FN3KRP: variants seen among roughly 807,000 people sequenced by gnomAD.
FN3KRP encodes fructosamine 3 kinase related protein, also known as ketosamine-3-kinase.
FN3KRP carries 33 observed loss-of-function variants against 29.8 expected under a neutral mutation model. The ratio of observed to expected loss-of-function variants is 1.11; its 90% CI spans 0.84 to 1.48. FN3KRP has a LOEUF of 1.48. Ranked by LOEUF, FN3KRP falls within the 40% of genes most tolerant of loss-of-function variation. FN3KRP has a pLI of 0.00. For synonymous variants in FN3KRP, 157 were observed against 155.2 expected (o/e 1.01, Z -0.09); for missense variants, 430 against 402.6 (o/e 1.07, Z -0.58).
chr17:82,721,912 G>A (rs1444886297), intron 3 of FN3KRP, among the ~76,000 whole-genome samples: 1 of 152,022 alleles, frequency 6.6e-6, no homozygotes, highest in Non-Finnish European at 1.5e-5. Context: ...TCAGCTCACC[G>A]CAACCTCCGC....
chr17:82,723,984 C>CA (rs35203608), intron 4 of FN3KRP, among the ~76,000 whole-genome samples: 73,171 of 149,492 alleles, frequency 0.49, 18,028 homozygotes, highest in South Asian at 0.54. Context: ...GCTTTAGCAG[C>CA]AAAAAAAAAA....
At position 82,726,525 on chromosome 17, in the gene FN3KRP, C is replaced by T. The variant is rs182510567; in HGVS notation, c.514C>T (p.Arg172Cys). ...CTGGGTCGTGTTCTATGCCCGGCAG[C>T]GCATTCAGCCCCAGATGGACATGGT... is the stretch of plus-strand genomic sequence containing the variant. ...EDWVVFYARQ[R>C]IQPQMDMVEK... Residue 172 changes from arginine (R) to cysteine (C), a missense_variant, in exon 5 of 6, where the codon CGC becomes TGC. Coordinates refer to ENST00000269373, the MANE Select transcript of FN3KRP (RefSeq NM_024619.4). 1.3e-5 allele frequency: 21 copies of T among 1,614,108 alleles called. No individual in the cohort carries two copies. In the East Asian group the frequency reaches 1.8e-4, roughly 14 times the overall value.
At position 82,726,954 on chromosome 17, in the gene FN3KRP, T is replaced by C. The variant is rs2046842581; in HGVS notation, c.713T>C (p.Phe238Ser). 1.2e-6 allele frequency: 2 copies of C among 1,613,928 alleles called. No homozygotes were observed. Among genetic ancestry groups the C allele is most frequent in the South Asian group, 1.1e-5 (1 of 91,072 alleles). The change falls in exon 6 of 6, where the codon TTC becomes TCC. Residue 238 changes from phenylalanine to serine, a missense_variant. Coordinates refer to ENST00000269373, the MANE Select transcript of FN3KRP (RefSeq NM_024619.4). ...SGPVIFDPASFYGHSEYELAI... is the reference protein window; with the variant it reads ...SGPVIFDPASSYGHSEYELAI... Reference sequence around the variant, plus strand: ...CCGGTGATTTTTGACCCAGCTTCTTTCTACGGCCACTCGGAATATGAGCTG... The same window carrying C: ...CCGGTGATTTTTGACCCAGCTTCTTCCTACGGCCACTCGGAATATGAGCTG...
chr17:82,720,115 G>C (rs1033725622), intron 2 of FN3KRP, 157 bp from the exon 3 acceptor site: 24 of 523,362 alleles, frequency 4.6e-5, no homozygotes, highest in Non-Finnish European at 7.9e-5. Flanking sequence ...GCAGTGAGCC[G>C]AGATCGTGCC....
intron 4 of FN3KRP, among the ~76,000 whole-genome samples, chr17:82,723,574 C>T (rs796271254): frequency 6.9e-6 from 1 of 144,568 alleles, no homozygotes; most frequent in African/African-American, 2.9e-5. Flanking sequence ...TATGTGTGTG[C>T]ATGTGTGTGC....
intron 4 of FN3KRP, 23 bp from the exon 5 acceptor site, chr17:82,726,457 G>C (rs758358807): frequency 5.6e-6 from 9 of 1,609,520 alleles, no homozygotes; most frequent in Non-Finnish European, 6.8e-6. Context: ...CCAGTGAACT[G>C]TGCTTTTGCT....
intron 4 of FN3KRP, among the ~76,000 whole-genome samples, chr17:82,724,617 AAAAAAGT>A (rs2046824154): frequency 6.6e-6 from 1 of 152,010 alleles, no homozygotes; most frequent in Non-Finnish European, 1.5e-5. Flanking sequence ...AAAAGAAAAA[AAAAAAGT>A]AAAAAGTAAA....
intron 4 of FN3KRP, among the ~76,000 whole-genome samples, chr17:82,724,877 T>C (rs149836885): frequency 0.28 from 41,874 of 151,472 alleles, 6,052 homozygotes; most frequent in East Asian, 0.46. Flanking sequence ...GGTGCGATCT[T>C]GGCTCACTGC....
chr17:82,722,831 C>G lies in FN3KRP; in HGVS notation c.413C>G (p.Pro138Arg). ...VGRGGGQEERPFVARFGFDVV... is the reference protein window; with the variant it reads ...VGRGGGQEERRFVARFGFDVV... ...AGAGGAGGTGGGCAGGAGGAACGGC[C>G]CTTTGTGGCCCGGTTTGGATTTGAC... The change falls in exon 4 of 6, where the codon CCC becomes CGC. Residue 138 changes from proline (P) to arginine (R), a missense_variant. Physicochemically the swap from Pro to Arg is moderately radical, Grantham distance 103 (BLOSUM62 -2). Transcript: ENST00000269373. 6.2e-7 allele frequency: 1 copy of G among 1,613,960 alleles called. No individual in the cohort carries two copies. The highest frequency in any genetic ancestry group is 8.5e-7 in the Non-Finnish European group (1 of 1,180,000).
At chr17:82,719,742 G>A (rs538514419) in intron 2 of FN3KRP, among the ~76,000 whole-genome samples, 2 of 152,020 alleles carry the variant, frequency 1.3e-5, no homozygotes, top group African/African-American at 2.4e-5. Flanking sequence ...GCAGTAGAGC[G>A]AGACTCAGTC....
At position 82,716,804 on chromosome 17, in the gene FN3KRP, A is replaced by C. The variant is rs773096689; in HGVS notation, c.49A>C (p.Thr17Pro). ...RELGCSSVRA[T>P]GHSGGGCISQ... ...GCTGGGCTGCAGCTCTGTCAGGGCC[A>C]CGGGCCACTCGGGGGGCGGGTGCAT... Residue 17 changes from threonine (T) to proline (P), a missense_variant, in exon 1 of 6, where the codon ACG becomes CCG. By Grantham distance (38) the Thr-to-Pro change is conservative. Transcript: ENST00000269373. 5.2e-6 allele frequency: 8 copies of C among 1,550,778 alleles called. No homozygotes were observed. In the Admixed American group the frequency reaches 1.5e-4, roughly 28 times the overall value.
intron 1 of FN3KRP, among the ~76,000 whole-genome samples, chr17:82,717,204 G>A (rs1366917595): frequency 6.6e-6 from 1 of 152,176 alleles, no homozygotes; most frequent in Non-Finnish European, 1.5e-5. Flanking sequence ...AATGGGGCGG[G>A]ACTGGCTGCT....
intron 3 of FN3KRP, among the ~76,000 whole-genome samples, chr17:82,721,738 G>A (rs7223874): frequency 1.2e-3 from 182 of 151,752 alleles, no homozygotes; most frequent in African/African-American, 4.2e-3. Context: ...TCCTGACCTC[G>A]TGATCCACCT....
chr17:82,719,844 C>G (rs1345509631), intron 2 of FN3KRP, among the ~76,000 whole-genome samples: 1 of 152,138 alleles, frequency 6.6e-6, no homozygotes, highest in Non-Finnish European at 1.5e-5. Context: ...TCTTGCTTCA[C>G]CAGAACCTAC....
intron 4 of FN3KRP, among the ~76,000 whole-genome samples, chr17:82,724,680 G>C (rs897649468): frequency 2.0e-5 from 3 of 152,140 alleles, no homozygotes; most frequent in African/African-American, 7.2e-5. Flanking sequence ...TATGGAACCT[G>C]TAAAGGCCAA....
Position 82,716,848 on chromosome 17 carries a change from C to A in FN3KRP, c.93C>A (p.Tyr31Ter). The A allele has an allele frequency of 6.4e-7, 1 of 1,561,538 alleles. No homozygotes were observed. Among genetic ancestry groups the A allele is most frequent in the Non-Finnish European group, 8.6e-7 (1 of 1,158,684 alleles). ...GGTGCATCAGCCAGGGCCGGAGCTA[C>A]GACACGGATCAAGGACGAGTGTTCG... ...GGGCISQGRS[Y>*]DTDQGRVFVK... The change falls in exon 1 of 6, where the codon TAC becomes TAA. Residue 31 changes from tyrosine (Y) to a stop codon, truncating the protein, a stop_gained. Transcript: ENST00000269373. LOFTEE classifies it high-confidence loss of function.
chr17:82,724,975 A>T (rs1169051456), intron 4 of FN3KRP, among the ~76,000 whole-genome samples: 1 of 149,310 alleles, frequency 6.7e-6, no homozygotes, highest in African/African-American at 2.5e-5. Context: ...TGCCCGGCTA[A>T]TTTTTTTTTG....
intron 4 of FN3KRP, among the ~76,000 whole-genome samples, chr17:82,726,129 G>A (rs1424251490): frequency 6.6e-6 from 1 of 152,052 alleles, no homozygotes; most frequent in African/African-American, 2.4e-5. Context: ...GCAGTGAGCC[G>A]AGATGGCGCC....
At chr17:82,724,895 G>A (rs980635946) in intron 4 of FN3KRP, among the ~76,000 whole-genome samples, 7 of 151,226 alleles carry the variant, frequency 4.6e-5, no homozygotes, top group Non-Finnish European at 8.8e-5. Flanking sequence ...TGCAAGTTCC[G>A]CCTCCCAGGT....
Sources: gnomAD v4.1 joint callset for allele counts (sites outside exome capture counted in the v4.1 genomes callset) on GRCh38, gnomAD v4.1.1 for gene constraint, MANE v1.5 for transcripts, NCBI Gene and HGNC (gene_info 2026-07-23, HGNC 2026-07-21) for gene names.